The following EPHX2 variants were observed in gnomAD, a reference collection of about 807,000 sequenced individuals.
The protein encoded by EPHX2 is bifunctional epoxide hydrolase 2.
In EPHX2, 74 loss-of-function variants were observed where a neutral mutation model predicts 78.7. That is an observed-to-expected ratio of 0.94 (90% CI 0.78 to 1.14). EPHX2 has a LOEUF of 1.14. Ranked by LOEUF, EPHX2 falls within the 50% of genes most tolerant of loss-of-function variation. EPHX2 has a pLI of 0.00. For missense variants in EPHX2, 715 were observed against 702.5 expected (o/e 1.02, Z -0.20); for synonymous variants, 251 against 255.2 (o/e 0.98, Z 0.16).
At chr8:27,532,818 A>G (rs1815091923) in intron 12 of EPHX2, among the ~76,000 whole-genome samples, 1 of 152,222 alleles carries the variant, frequency 6.6e-6, no homozygotes, top group African/African-American at 2.4e-5. Context: ...ATATTAATTT[A>G]AAATTTTAAA....
chr8:27,493,965 G>A (rs1317689027), intron 1 of EPHX2, among the ~76,000 whole-genome samples: 1 of 152,088 alleles, frequency 6.6e-6, no homozygotes, highest in Non-Finnish European at 1.5e-5. Context: ...TGAAAGAGGG[G>A]ATAAGAAGAC....
intron 8 of EPHX2, among the ~76,000 whole-genome samples, chr8:27,517,361 A>AT (rs1372011477): frequency 2.6e-5 from 4 of 152,166 alleles, no homozygotes; most frequent in African/African-American, 9.7e-5. Context: ...TCTCAATGGC[A>AT]TTTTTTACAA....
chr8:27,525,273 G>C, intron 11 of EPHX2, 89 bp from the exon 12 acceptor site: 2 of 1,126,026 alleles, frequency 1.8e-6, no homozygotes, highest in Non-Finnish European at 2.7e-6. Context: ...CCCACTCTGA[G>C]CTTCAGTTTT....
intron 4 of EPHX2, among the ~76,000 whole-genome samples, chr8:27,506,158 T>C (rs1250648523): frequency 1.3e-5 from 2 of 152,082 alleles, no homozygotes; most frequent in African/African-American, 4.8e-5. Flanking sequence ...ATGGCTAATT[T>C]TTTACATTCT....
chr8:27,518,904 C>A (rs1395868117), intron 9 of EPHX2, among the ~76,000 whole-genome samples: 1 of 152,252 alleles, frequency 6.6e-6, no homozygotes, highest in Admixed American at 6.5e-5. Context: ...CTACCAAGGT[C>A]TCACCAGTGA....
chr8:27,512,553 G>T (rs988204798), intron 6 of EPHX2, among the ~76,000 whole-genome samples: 2 of 152,224 alleles, frequency 1.3e-5, no homozygotes, highest in Admixed American at 6.5e-5. Context: ...GAGGGCCCTG[G>T]CTCGTGGCCT....
intron 8 of EPHX2, among the ~76,000 whole-genome samples, chr8:27,516,797 C>T (rs1436521260): frequency 6.6e-6 from 1 of 152,224 alleles, no homozygotes; most frequent in Non-Finnish European, 1.5e-5. Flanking sequence ...AATCTAACTC[C>T]TCTAAAGACT....
At chr8:27,527,159 A>G (rs372509014) in intron 12 of EPHX2, among the ~76,000 whole-genome samples, 5 of 152,014 alleles carry the variant, frequency 3.3e-5, no homozygotes, top group African/African-American at 9.7e-5. Flanking sequence ...GGGTTTCACC[A>G]TATTGGCCAG....
At chr8:27,525,808 T>G (rs546731098) in intron 12 of EPHX2, among the ~76,000 whole-genome samples, 2 of 152,272 alleles carry the variant, frequency 1.3e-5, no homozygotes, top group South Asian at 4.1e-4. Flanking sequence ...GGCTGGTGAT[T>G]ATGGCACCAG....
chr8:27,504,922 T>C, intron 3 of EPHX2, 34 bp from the exon 4 acceptor site: 1 of 1,610,852 alleles, frequency 6.2e-7, no homozygotes, highest in South Asian at 1.1e-5. Flanking sequence ...CAAAGGTCTG[T>C]AGCTGGTCTA....
At chr8:27,498,707 A>G (rs1813661577) in intron 1 of EPHX2, among the ~76,000 whole-genome samples, 2 of 152,164 alleles carry the variant, frequency 1.3e-5, no homozygotes, top group African/African-American at 4.8e-5. Context: ...AGGATTGTTA[A>G]GTTGAATATT....
At chr8:27,492,677 T>G (rs1586422916) in intron 1 of EPHX2, among the ~76,000 whole-genome samples, 1 of 152,216 alleles carries the variant, frequency 6.6e-6, no homozygotes, top group East Asian at 1.9e-4. Flanking sequence ...TTTTATTCCC[T>G]TATTGTCCTC....
intron 12 of EPHX2, among the ~76,000 whole-genome samples, chr8:27,534,836 C>T (rs983213223): frequency 1.3e-5 from 2 of 152,148 alleles, no homozygotes; most frequent in Non-Finnish European, 2.9e-5. Context: ...AGAGCACATT[C>T]AAGGCTCTGC....
intron 16 of EPHX2, 77 bp downstream of exon 16, chr8:27,541,619 A>G (rs930291295): frequency 3.3e-6 from 5 of 1,502,402 alleles, no homozygotes; most frequent in Middle Eastern, 1.8e-4. Flanking sequence ...CTGAGCTGAT[A>G]TGACCTGGGC....
At chr8:27,546,728 G>A (rs1399595532), downstream of EPHX2, among the ~76,000 whole-genome samples, 2 of 152,188 alleles carry the variant, frequency 1.3e-5, no homozygotes, top group South Asian at 2.1e-4. Context: ...TGCTCCTTTG[G>A]CAAGTAAGAG....
chr8:27,548,268 C>T (rs1815606180), downstream of EPHX2, among the ~76,000 whole-genome samples: 2 of 152,172 alleles, frequency 1.3e-5, no homozygotes, highest in Admixed American at 1.3e-4. Flanking sequence ...GTTTCCGTGT[C>T]GTTCACAGCC....
chr8:27,526,182 C>T (rs1814840368), intron 12 of EPHX2, among the ~76,000 whole-genome samples: 1 of 152,246 alleles, frequency 6.6e-6, no homozygotes, highest in African/African-American at 2.4e-5. Flanking sequence ...CTCTCCCAGC[C>T]TCCACCTCTG....
At chr8:27,512,024 G>A (rs1814269886) in intron 6 of EPHX2, 114 bp downstream of exon 6, 2 of 1,049,768 alleles carry the variant, frequency 1.9e-6, no homozygotes, top group Non-Finnish European at 2.9e-6. Context: ...CCTGAGCCTG[G>A]GAAGTGGAGG....
chr8:27,543,167 C>T (rs1169937819), intron 16 of EPHX2, among the ~76,000 whole-genome samples: 1 of 151,874 alleles, frequency 6.6e-6, no homozygotes, highest in African/African-American at 2.4e-5. Context: ...AGATGCCCAT[C>T]ACTCTGGGTG....
Sources: gnomAD v4.1 joint callset for allele counts (sites outside exome capture counted in the v4.1 genomes callset) on GRCh38, gnomAD v4.1.1 for gene constraint, MANE v1.5 for transcripts, NCBI Gene and HGNC (gene_info 2026-07-23, HGNC 2026-07-21) for gene names.